Variants in SEPTIN9 observed in about 807,000 individuals in gnomAD.
SEPTIN9 encodes the protein septin-9.
SEPTIN9 carries 13 observed loss-of-function variants against 56.6 expected under a neutral mutation model. The observed-to-expected ratio is 0.23, with a 90% confidence interval of 0.15 to 0.37. The LOEUF is 0.37. Among genes scored for constraint, SEPTIN9 ranks in the 10% least tolerant of loss-of-function variants. SEPTIN9 has a pLI of 1.00. For missense variants in SEPTIN9, 650 were observed against 823.1 expected, an observed-to-expected ratio of 0.79 and a Z score of 2.57; for synonymous variants, 332 against 334.1, an observed-to-expected ratio of 0.99 and a Z score of 0.07.
At chr17:77,494,602 A>G (rs1223147623) in intron 10 of SEPTIN9, among the ~76,000 whole-genome samples, 1 of 152,250 alleles carries the variant, frequency 6.6e-6, no homozygotes, top group Non-Finnish European at 1.5e-5. Flanking sequence ...CATAATGACA[A>G]TTACCAGGAG....
rs1419972639 is a variant in SEPTIN9 at position 77,371,312 on chromosome 17, C to T, written c.77-30747C>T. 6.6e-6 allele frequency among the ~76,000 whole-genome samples: 1 copy of T among 152,228 alleles called. No homozygotes were observed. The highest frequency in any genetic ancestry group is 1.5e-5 in the Non-Finnish European group (1 of 68,044). On this transcript the variant is annotated intron_variant, in intron 2 of 11. Coordinates refer to ENST00000427177, the MANE Select transcript of SEPTIN9 (RefSeq NM_001113491.2). This position sits in a 1 kb window ranked among gnomAD's most constrained non-coding sequence, Gnocchi z 4.1. ...TGGGTTCCCATTTTGGTGAGGCGTG[C>T]ACCCTGGCGGCGCTCCCCAGGGAAC...
intron 2 of SEPTIN9, among the ~76,000 whole-genome samples, chr17:77,351,658 G>A (rs1016590277): frequency 9.9e-5 from 15 of 152,236 alleles, no homozygotes; most frequent in African/African-American, 1.9e-4. Flanking sequence ...TCAGAGAGCC[G>A]AGAAGGCTGC....
chr17:77,484,463 G>C (rs1285807799), intron 4 of SEPTIN9, among the ~76,000 whole-genome samples: 1 of 145,348 alleles, frequency 6.9e-6, no homozygotes, highest in Admixed American at 6.7e-5. Flanking sequence ...GGTGGTGATT[G>C]TGGTGGTGGT....
chr17:77,495,625 C>T (rs1018989774), intron 10 of SEPTIN9, among the ~76,000 whole-genome samples: 2 of 152,210 alleles, frequency 1.3e-5, no homozygotes, highest in South Asian at 2.1e-4. Flanking sequence ...CAGGGAGTGG[C>T]GATCACACAC....
intron 3 of SEPTIN9, among the ~76,000 whole-genome samples, chr17:77,471,424 C>G (rs72887170): frequency 6.6e-6 from 1 of 152,252 alleles, no homozygotes; most frequent in African/African-American, 2.4e-5. Flanking sequence ...CAGCACCTGG[C>G]AGGGGGCCAC....
intron 2 of SEPTIN9, chr17:77,320,245 G>A (rs2032859137): frequency 6.2e-7 from 1 of 1,611,352 alleles, no homozygotes; most frequent in Non-Finnish European, 8.5e-7. Flanking sequence ...CTGAGAGAGG[G>A]AGGGCGACGG....
Position 77,416,611 on chromosome 17 carries a change from G to A in SEPTIN9, c.721+13908G>A, listed in dbSNP as rs149110581. Among the ~76,000 whole-genome samples the A allele has an allele frequency of 4.7e-4, 71 of 152,306 alleles. 2 individuals are homozygous for A. The East Asian group carries it at 0.012, about 25-fold the overall frequency. ...AGACCTTCCCAGTCCTGCATCCTCC[G>A]AAGCATAACTGAGTGCTTGTGTGGC... On this transcript the variant is annotated intron_variant, in intron 3 of 11. Transcript: ENST00000427177.
intron 2 of SEPTIN9, among the ~76,000 whole-genome samples, chr17:77,370,617 T>A (rs987473103): frequency 6.6e-6 from 1 of 152,252 alleles, no homozygotes; most frequent in Non-Finnish European, 1.5e-5. Flanking sequence ...TGCCTTCTTT[T>A]GTGACCGTGG....
chr17:77,320,141 TGTG>T (rs1422061642), intron 2 of SEPTIN9: 1 of 1,498,596 alleles, frequency 6.7e-7, no homozygotes, highest in Non-Finnish European at 8.9e-7. Context: ...CACATGGAAA[TGTG>T]GTAATTCGGA....
At chr17:77,320,761 C>T (rs1286017304) in intron 2 of SEPTIN9, among the ~76,000 whole-genome samples, 1 of 152,196 alleles carries the variant, frequency 6.6e-6, no homozygotes, top group Non-Finnish European at 1.5e-5. Flanking sequence ...TGCTTCCAGC[C>T]AAAGTCTGTC....
Position 77,399,892 on chromosome 17 carries a change from C to T in SEPTIN9, c.77-2167C>T, listed in dbSNP as rs138331918. Among the ~76,000 whole-genome samples, 32 of 152,322 alleles carry T rather than the reference C, an allele frequency of 2.1e-4. 1 individual carries two copies. In the East Asian group the frequency reaches 5.8e-3, roughly 28 times the overall value. On this transcript the variant is annotated intron_variant, in intron 2 of 11. Transcript: ENST00000427177. The stretch of plus-strand genomic sequence containing the variant: ...TCAGTGTCCTGCTGCCCTGCGGCCA[C>T]GTGATCAGCTAGAGGTCATGGCTGG...
rs941702065 is a variant in SEPTIN9 at position 77,437,686 on chromosome 17, A to G, written c.721+34983A>G. On this transcript the variant is annotated intron_variant, in intron 3 of 11. Transcript: ENST00000427177. The surrounding 1 kb of genome is among the most constrained non-coding windows in gnomAD (Gnocchi z 5.3). ...CCAGTCATCCTTCTGGGGTGGCCAA[A>G]CTCCATGCTGCAAAAGCCCAAGTGA... 2.6e-5 allele frequency among the ~76,000 whole-genome samples: 4 copies of G among 151,718 alleles called. No individual in the cohort carries two copies. The highest frequency in any genetic ancestry group is 1.3e-4 in the Admixed American group (2 of 15,274).
intron 1 of SEPTIN9, among the ~76,000 whole-genome samples, chr17:77,283,776 A>T (rs2031146230): frequency 6.6e-6 from 1 of 152,188 alleles, no homozygotes; most frequent in Admixed American, 6.6e-5. Context: ...GGCAATCTCA[A>T]GTACCGTGGG....
At chr17:77,378,879 A>G (rs775182402) in intron 2 of SEPTIN9, among the ~76,000 whole-genome samples, 1 of 150,738 alleles carries the variant, frequency 6.6e-6, no homozygotes, top group Non-Finnish European at 1.5e-5. Flanking sequence ...TGGGTGGACC[A>G]TATGCCCATC....
At chr17:77,387,943 A>G (rs1429946814) in intron 2 of SEPTIN9, among the ~76,000 whole-genome samples, 1 of 127,338 alleles carries the variant, frequency 7.9e-6, no homozygotes, top group Non-Finnish European at 1.6e-5. Context: ...CACTTCCCCA[A>G]AGGCAGGCGC....
chr17:77,326,686 T>C lies in SEPTIN9; in HGVS notation c.76+19489T>C, dbSNP rs2143686476. Among the ~76,000 whole-genome samples the C allele has an allele frequency of 6.6e-6, 1 of 152,334 alleles. No homozygotes were observed. Among genetic ancestry groups the C allele is most frequent in the East Asian group, 1.9e-4 (1 of 5,188 alleles). Reference sequence around the variant, plus strand: ...AATCCTTGGAATCTCCAAAGTGATGTCTTTTTGGATGCTCATGATTGACAG... The same window carrying C: ...AATCCTTGGAATCTCCAAAGTGATGCCTTTTTGGATGCTCATGATTGACAG... On this transcript the variant is annotated intron_variant, in intron 2 of 11. Coordinates refer to ENST00000427177, the MANE Select transcript of SEPTIN9 (RefSeq NM_001113491.2). The surrounding 1 kb of genome is among the most constrained non-coding windows in gnomAD (Gnocchi z 5.1).
chr17:77,372,211 G>A (rs1459451153), intron 2 of SEPTIN9, among the ~76,000 whole-genome samples: 1 of 152,226 alleles, frequency 6.6e-6, no homozygotes, highest in African/African-American at 2.4e-5. Context: ...GGGACGGGGT[G>A]ACAGGGAGAG....
intron 7 of SEPTIN9, among the ~76,000 whole-genome samples, chr17:77,489,370 C>T (rs1218488012): frequency 1.3e-5 from 2 of 152,180 alleles, no homozygotes; most frequent in Non-Finnish European, 2.9e-5. Context: ...CGGCTCTGTC[C>T]GCACCTGACG....
At chr17:77,407,266 G>C (rs964207147) in intron 3 of SEPTIN9, among the ~76,000 whole-genome samples, 4 of 118,930 alleles carry the variant, frequency 3.4e-5, no homozygotes, top group African/African-American at 1.3e-4. Flanking sequence ...CTAGGAGACA[G>C]AGTGAGACCC....
Sources: gnomAD v4.1 joint callset for allele counts (sites outside exome capture counted in the v4.1 genomes callset) on GRCh38, gnomAD v4.1.1 for gene constraint, Gnocchi (gnomAD v3.1) non-coding constraint, MANE v1.5 for transcripts, NCBI Gene and HGNC (gene_info 2026-07-23, HGNC 2026-07-21) for gene names.